Variants in ANKAR observed in about 807,000 individuals in gnomAD.
ANKAR encodes the protein ankyrin and armadillo repeat-containing protein.
A neutral mutation model predicts 146.2 loss-of-function variants in ANKAR; 136 were observed. The observed-to-expected ratio is 0.93, with a 90% confidence interval of 0.81 to 1.07. The LOEUF is 1.07. Ranked by LOEUF, ANKAR falls within the 50% of genes least tolerant of loss-of-function variation. The pLI, the probability that ANKAR is intolerant of heterozygous loss-of-function variation, is 0.00. For missense variants in ANKAR, 1,567 were observed against 1,679.9 expected, an observed-to-expected ratio of 0.93 and a Z score of 1.18; for synonymous variants, 500 against 575.8, an observed-to-expected ratio of 0.87 and a Z score of 1.88.
intron 18 of ANKAR, chr2:189,753,993 G>T: frequency 6.2e-7 from 1 of 1,613,744 alleles, no homozygotes; most frequent in Non-Finnish European, 8.5e-7. Flanking sequence ...TTCACAAGAT[G>T]ACATGCCATT....
At chr2:189,700,323 G>A (rs940163777) in intron 7 of ANKAR, among the ~76,000 whole-genome samples, 1 of 152,088 alleles carries the variant, frequency 6.6e-6, no homozygotes, top group East Asian at 1.9e-4. Flanking sequence ...GGAGAACTTG[G>A]GTATAATTCT....
chr2:189,720,824 G>A, intron 12 of ANKAR, 37 bp downstream of exon 12: 1 of 1,403,722 alleles, frequency 7.1e-7, no homozygotes, highest in Non-Finnish European at 9.3e-7. Context: ...ATAATGACCA[G>A]ATATATTAAG....
At chr2:189,697,342 A>G (rs933338960) in intron 7 of ANKAR, among the ~76,000 whole-genome samples, 2 of 152,100 alleles carry the variant, frequency 1.3e-5, no homozygotes, top group Admixed American at 6.5e-5. Flanking sequence ...GAGGTTACAC[A>G]TATATATGTA....
rs767581396 is a variant in ANKAR, at chr2:189,728,121, C to A, written c.2877+24C>A. The A allele has an allele frequency of 2.5e-6, 4 of 1,571,438 alleles. No homozygotes were observed. In the South Asian group the frequency reaches 3.6e-5, roughly 14 times the overall value. On this transcript the variant is annotated intron_variant, in intron 13 of 22. Transcript: ENST00000684021. ...AGGTAGGAATTTTATGATTACTGGT[C>A]ATTTTTCTTAGATGATGTTTTCTAT... is the stretch of plus-strand genomic sequence containing the variant.
chr2:189,711,290 T>C (rs2039650234), intron 10 of ANKAR, 137 bp downstream of exon 10: 2 of 556,438 alleles, frequency 3.6e-6, no homozygotes, highest in East Asian at 6.4e-5. Flanking sequence ...CTAAGATCAC[T>C]TCATTTACCT....
chr2:189,706,871 A>C, intron 8 of ANKAR, 67 bp from the exon 9 acceptor site: 1 of 1,246,224 alleles, frequency 8.0e-7, no homozygotes. Context: ...TTGCAGCTTG[A>C]ATAGTTTTAC....
At chr2:189,700,130 T>C (rs2037850537) in intron 7 of ANKAR, among the ~76,000 whole-genome samples, 1 of 152,216 alleles carries the variant, frequency 6.6e-6, no homozygotes, top group Non-Finnish European at 1.5e-5. Flanking sequence ...GACAACTTCT[T>C]TTAACATGCC....
chr2:189,718,745 C>CT (rs11377626), intron 10 of ANKAR, among the ~76,000 whole-genome samples: 99,876 of 139,066 alleles, frequency 0.72, 36,864 homozygotes, highest in South Asian at 0.86. Context: ...TTTCTATTTT[C>CT]TTTTTTTTTT....
chr2:189,720,223 G>C (rs1255799368), intron 11 of ANKAR, among the ~76,000 whole-genome samples: 2 of 151,952 alleles, frequency 1.3e-5, no homozygotes, highest in African/African-American at 4.8e-5. Context: ...GTTATTTACA[G>C]CAAGAAAGAT....
At chr2:189,691,088 C>G (rs1046971521) in intron 3 of ANKAR, among the ~76,000 whole-genome samples, 21 of 152,182 alleles carry the variant, frequency 1.4e-4, no homozygotes, top group Admixed American at 4.6e-4. Flanking sequence ...CAGAGTCTTG[C>G]TCTGTCACAC....
intron 7 of ANKAR, among the ~76,000 whole-genome samples, chr2:189,702,638 A>T (rs2038242357): frequency 6.6e-6 from 1 of 152,208 alleles, no homozygotes; most frequent in Non-Finnish European, 1.5e-5. Context: ...ATGAAATGGT[A>T]ACTTCTAAGC....
intron 10 of ANKAR, among the ~76,000 whole-genome samples, chr2:189,714,346 A>T (rs1574560021): frequency 6.6e-6 from 1 of 152,256 alleles, no homozygotes; most frequent in African/African-American, 2.4e-5. Context: ...TCCAAACCTG[A>T]CCACATAGTT....
intron 16 of ANKAR, 107 bp from the exon 17 acceptor site, chr2:189,733,000 T>C: frequency 9.0e-7 from 1 of 1,112,108 alleles, no homozygotes; most frequent in Non-Finnish European, 1.2e-6. Flanking sequence ...TTTTAGCAGA[T>C]TTTATAGTAT....
intron 2 of ANKAR, among the ~76,000 whole-genome samples, chr2:189,686,598 A>G (rs1359036822): frequency 2.0e-5 from 3 of 152,176 alleles, no homozygotes; most frequent in Non-Finnish European, 4.4e-5. Context: ...GCCTGAAAAA[A>G]CAAACTATGC....
chr2:189,692,516 C>A, intron 4 of ANKAR, 98 bp downstream of exon 4: 1 of 1,038,844 alleles, frequency 9.6e-7, no homozygotes. Flanking sequence ...CACTCGACAG[C>A]TCTCCAAATG....
intron 12 of ANKAR, 123 bp from the exon 13 acceptor site, chr2:189,727,729 TTTTC>T (rs2042032402): frequency 2.5e-6 from 3 of 1,211,698 alleles, no homozygotes; most frequent in South Asian, 1.7e-5. Flanking sequence ...TTATTTCTAT[TTTTC>T]TTTATTTTCT....
chr2:189,708,787 G>T (rs530339298), intron 9 of ANKAR, among the ~76,000 whole-genome samples: 2 of 152,144 alleles, frequency 1.3e-5, no homozygotes, highest in Non-Finnish European at 2.9e-5. Context: ...ACTATCCTCC[G>T]TTTCAGGCAT....
At chr2:189,728,955 CTAT>C (rs1328388274) in intron 15 of ANKAR, 134 bp downstream of exon 15, 7 of 805,596 alleles carry the variant, frequency 8.7e-6, no homozygotes, top group Non-Finnish European at 1.3e-5. Context: ...GTATGAAAGA[CTAT>C]TATAACTTTT....
At chr2:189,755,342 T>G in intron 18 of ANKAR, 1 of 1,613,478 alleles carries the variant, frequency 6.2e-7, no homozygotes, top group Non-Finnish European at 8.5e-7. Flanking sequence ...AGCCTCCATA[T>G]GATGAATGGG....
Sources: allele counts gnomAD v4.1 joint callset (sites outside exome capture counted in the v4.1 genomes callset), GRCh38; gene constraint gnomAD v4.1.1; transcripts MANE v1.5; gene names NCBI Gene and HGNC (gene_info 2026-07-23, HGNC 2026-07-21).